Variants in SNX29 observed in about 807,000 individuals in gnomAD.
The protein encoded by SNX29 is sorting nexin-29.
Under a neutral mutation model 102.1 loss-of-function variants are expected in SNX29, and 78 were observed. The ratio of observed to expected loss-of-function variants is 0.76; its 90% CI spans 0.64 to 0.92. SNX29 has a LOEUF of 0.92. Ranked by LOEUF, SNX29 falls within the 40% of genes least tolerant of loss-of-function variation. The pLI, the probability that SNX29 is intolerant of heterozygous loss-of-function variation, is 0.00. For missense variants in SNX29, 1,280 were observed against 1,061.7 expected, an observed-to-expected ratio of 1.21 and a Z score of -2.86; for synonymous variants, 580 against 414.5, an observed-to-expected ratio of 1.40 and a Z score of -4.85.
intron 14 of SNX29, among the ~76,000 whole-genome samples, chr16:12,224,246 C>G (rs2077551994): frequency 6.6e-6 from 1 of 152,152 alleles, no homozygotes; most frequent in African/African-American, 2.4e-5. Flanking sequence ...TCCCTGCATT[C>G]CTCCCTCTCC....
intron 16 of SNX29, among the ~76,000 whole-genome samples, chr16:12,361,609 C>G (rs550357805): frequency 6.6e-6 from 1 of 152,290 alleles, no homozygotes; most frequent in Non-Finnish European, 1.5e-5. Flanking sequence ...TGATGCAACT[C>G]TCCCAGCATC....
chr16:12,129,836 G>A (rs940498363), intron 13 of SNX29, 78 bp downstream of exon 13: 6 of 1,463,898 alleles, frequency 4.1e-6, no homozygotes, highest in Admixed American at 2.4e-5. Flanking sequence ...CGGGCACGGT[G>A]GCTCATGCCT....
rs140229668 is a variant in SNX29 at position 12,252,432 on chromosome 16, T to A, written c.1679-25501T>A. Among the ~76,000 whole-genome samples the A allele has an allele frequency of 3.7e-3, 557 of 152,346 alleles. 3 individuals are homozygous for A. Among genetic ancestry groups the A allele is most frequent in the African/African-American group, 0.013 (530 of 41,576 alleles). ...AACTGGCTTCTTGACCTTTCAGGAA[T>A]TCAGTTTTCCTGTCTCTAAGATGGG... On this transcript the variant is annotated intron_variant, in intron 14 of 20. Coordinates refer to ENST00000566228, the MANE Select transcript of SNX29 (RefSeq NM_032167.5).
chr16:12,385,561 C>A (rs183237432), intron 16 of SNX29, among the ~76,000 whole-genome samples: 1 of 152,330 alleles, frequency 6.6e-6, no homozygotes, highest in African/African-American at 2.4e-5. Flanking sequence ...AGCCTCTGCT[C>A]TCTGCCAGGT....
At chr16:12,515,473 G>C (rs2089822507) in intron 19 of SNX29, 3 of 483,552 alleles carry the variant, frequency 6.2e-6, no homozygotes, top group Middle Eastern at 3.1e-4. Context: ...CTCTGAAATA[G>C]AACTGAAACC....
rs1215758219 is a variant in SNX29 at position 12,154,943 on chromosome 16, CA to C, written c.1595+25186del. On this transcript the variant is annotated intron_variant, in intron 13 of 20. Coordinates refer to ENST00000566228, the MANE Select transcript of SNX29 (RefSeq NM_032167.5). ...ATCATCATCTTGGAGGTTAGCATTT[CA>C]GCATATGAATTTGGCAGTGGGGAGA... Among the ~76,000 whole-genome samples the C allele has an allele frequency of 4.6e-5, 7 of 152,314 alleles. No homozygotes were observed. In the South Asian group the frequency reaches 1.4e-3, roughly 32 times the overall value.
chr16:12,255,438 G>C (rs1354572203), intron 14 of SNX29, among the ~76,000 whole-genome samples: 1 of 152,078 alleles, frequency 6.6e-6, no homozygotes, highest in African/African-American at 2.4e-5. Flanking sequence ...TAACAGTCCA[G>C]TATTCTTAAC....
At chr16:12,400,422 T>A (rs2083894482) in intron 17 of SNX29, among the ~76,000 whole-genome samples, 1 of 152,176 alleles carries the variant, frequency 6.6e-6, no homozygotes, top group African/African-American at 2.4e-5. Flanking sequence ...GAGATGGGTG[T>A]CTCCTCACGG....
At chr16:12,555,438 C>T (rs1163021096) in intron 20 of SNX29, among the ~76,000 whole-genome samples, 2 of 151,962 alleles carry the variant, frequency 1.3e-5, no homozygotes, top group Admixed American at 1.3e-4. Context: ...AGGAGACACT[C>T]ATGTACGCAG....
At chr16:12,253,665 A>C (rs1383623191) in intron 14 of SNX29, among the ~76,000 whole-genome samples, 1 of 152,148 alleles carries the variant, frequency 6.6e-6, no homozygotes, top group Non-Finnish European at 1.5e-5. Flanking sequence ...GAGGCGGAGA[A>C]GCCACAGAGG....
intron 20 of SNX29, among the ~76,000 whole-genome samples, chr16:12,564,457 T>G (rs1031266060): frequency 4.6e-5 from 7 of 152,244 alleles, no homozygotes; most frequent in African/African-American, 1.7e-4. Context: ...AGCTGTGTTT[T>G]GGGGAGGTTA....
At chr16:12,558,827 C>T (rs1224258237) in intron 20 of SNX29, among the ~76,000 whole-genome samples, 1 of 152,166 alleles carries the variant, frequency 6.6e-6, no homozygotes. Context: ...GGGGCAGGGC[C>T]ACAGTCACCA....
chr16:12,471,880 C>G lies in SNX29; in HGVS notation c.2038-5839C>G, dbSNP rs551289783. 2.6e-5 allele frequency among the ~76,000 whole-genome samples: 4 copies of G among 152,358 alleles called. No individual in the cohort carries two copies. The South Asian group carries it at 8.3e-4, about 32-fold the overall frequency. On this transcript the variant is annotated intron_variant, in intron 18 of 20. Coordinates refer to ENST00000566228, the MANE Select transcript of SNX29 (RefSeq NM_032167.5). ...CCCTGCACAAGAATCCTTTCTCCCG[C>G]CCAAGGTCATGAAGACATTCTACCA... is the stretch of plus-strand genomic sequence containing the variant.
At chr16:12,441,983 T>G (rs1366190964) in intron 18 of SNX29, among the ~76,000 whole-genome samples, 2 of 152,134 alleles carry the variant, frequency 1.3e-5, no homozygotes, top group Non-Finnish European at 1.5e-5. Flanking sequence ...CTTCACCTTG[T>G]TGGCCAGGCT....
chr16:12,478,678 A>C (rs1435999438), intron 19 of SNX29, among the ~76,000 whole-genome samples: 1 of 152,204 alleles, frequency 6.6e-6, no homozygotes, highest in Non-Finnish European at 1.5e-5. Context: ...AGGCGGCATC[A>C]TGATGTCACT....
intron 9 of SNX29, among the ~76,000 whole-genome samples, chr16:12,063,439 A>T (rs1201527237): frequency 3.2e-5 from 4 of 124,522 alleles, no homozygotes; most frequent in Admixed American, 1.1e-4. Context: ...CAATGGCATG[A>T]TCTTGGCTCA....
intron 18 of SNX29, among the ~76,000 whole-genome samples, chr16:12,464,344 G>C (rs1414945118): frequency 6.6e-6 from 1 of 152,060 alleles, no homozygotes; most frequent in Non-Finnish European, 1.5e-5. Flanking sequence ...CAGACACCTA[G>C]TTTGTTTCCA....
rs116456366 is a variant in SNX29, at chr16:12,405,252, A to G, written c.2037+1723A>G. Among the ~76,000 whole-genome samples, 1,432 of 152,280 alleles carry G rather than the reference A, an allele frequency of 9.4e-3. 22 individuals carry two copies. Among genetic ancestry groups the G allele is most frequent in the African/African-American group, 0.032 (1,349 of 41,538 alleles). On this transcript the variant is annotated intron_variant, in intron 18 of 20. Transcript: ENST00000566228. ...AGGTTTCCTTGACCTTTCAGTTTTG[A>G]CTTTTCCCCCTGTTTACCCCATGAA...
At chr16:12,565,893 C>T (rs937650424) in intron 20 of SNX29, among the ~76,000 whole-genome samples, 5 of 151,986 alleles carry the variant, frequency 3.3e-5, no homozygotes, top group Non-Finnish European at 5.9e-5. Flanking sequence ...AGTTCCCTCT[C>T]ATTGGGGCAT....
Sources: allele counts gnomAD v4.1 joint callset (sites outside exome capture counted in the v4.1 genomes callset), GRCh38; gene constraint gnomAD v4.1.1; transcripts MANE v1.5; gene names NCBI Gene and HGNC (gene_info 2026-07-23, HGNC 2026-07-21).